Variants in FLRT3 observed in about 807,000 individuals in gnomAD.
FLRT3 encodes the protein fibronectin leucine rich transmembrane protein 3.
A neutral mutation model predicts 42.6 loss-of-function variants in FLRT3; 17 were observed. That is an observed-to-expected ratio of 0.40 (90% CI 0.27 to 0.60). FLRT3 has a LOEUF of 0.60. Ranked by LOEUF, FLRT3 falls within the 20% of genes least tolerant of loss-of-function variation. FLRT3 has a pLI of 0.44. For missense variants in FLRT3, 635 were observed against 789.2 expected (o/e 0.80, Z 2.34); for synonymous variants, 279 against 286.4 (o/e 0.97, Z 0.26).
At chr20:14,332,691 C>A (rs779787481) in intron 1 of FLRT3, among the ~76,000 whole-genome samples, 1 of 152,032 alleles carries the variant, frequency 6.6e-6, no homozygotes, top group Non-Finnish European at 1.5e-5. Flanking sequence ...AATCTAATGG[C>A]ATGTAGAACT....
Position 14,326,115 on chromosome 20 carries a change from G to A in FLRT3, c.1392C>T (p.Tyr464=). 3 of 1,613,882 alleles carry A rather than the reference G, an allele frequency of 1.9e-6. No individual in the cohort carries two copies. Among genetic ancestry groups the A allele is most frequent in the Non-Finnish European group, 2.5e-6 (3 of 1,179,860 alleles). ...AATCAGGCTCCAGGGCTGTGACCAA[G>A]TACTCACTGCGTTCCCCTGTTACAA... is the stretch of plus-strand genomic sequence containing the variant. The part of the protein sequence containing the change: ...ETIVTGERSE[Y]LVTALEPDSP... The change falls in exon 3 of 3, where the codon TAC becomes TAT. Residue 464 remains tyrosine, a synonymous_variant. Coordinates refer to ENST00000341420, the MANE Select transcript of FLRT3 (RefSeq NM_198391.3). The surrounding 1 kb of genome is among the most constrained non-coding windows in gnomAD (Gnocchi z 5.5).
Position 14,324,731 on chromosome 20 carries a change from G to A in FLRT3, c.*826C>T, listed in dbSNP as rs2082707167. On this transcript the variant is annotated 3_prime_UTR_variant, in exon 3 of 3. Transcript: ENST00000341420. ...TAGGCAAAACCAAAATGCAGTTTTGGTATTTGTGTTCATTACACTATACAA... is the reference window on the plus strand; with the variant it reads ...TAGGCAAAACCAAAATGCAGTTTTGATATTTGTGTTCATTACACTATACAA... 6.6e-6 allele frequency: 1 copy of A among 152,000 alleles called. No individual in the cohort carries two copies. The highest frequency in any genetic ancestry group is 2.1e-4 in the South Asian group (1 of 4,826). The allele number at this position is 152,000 out of a possible 1,614,324, so 9.4% of individuals were successfully genotyped here. A position where few individuals can be genotyped will look rare whatever the true frequency, so the allele number is the denominator to read the frequency against.
At chr20:14,331,824 G>A (rs2082846908) in intron 1 of FLRT3, among the ~76,000 whole-genome samples, 1 of 151,956 alleles carries the variant, frequency 6.6e-6, no homozygotes, top group Non-Finnish European at 1.5e-5. Flanking sequence ...TGCGCACCTA[G>A]AAATACTGTA....
intron 1 of FLRT3, among the ~76,000 whole-genome samples, chr20:14,335,659 C>A (rs1006281515): frequency 2.6e-5 from 4 of 152,056 alleles, no homozygotes; most frequent in African/African-American, 9.7e-5. Context: ...AAATGAAAAA[C>A]CCAATTAGTA....
intron 1 of FLRT3, among the ~76,000 whole-genome samples, chr20:14,334,656 G>C (rs1462361442): frequency 1.3e-5 from 2 of 151,330 alleles, no homozygotes; most frequent in Non-Finnish European, 2.9e-5. Flanking sequence ...TGGGGCAAAA[G>C]GTGGGGGGTG....
At chr20:14,334,536 C>T (rs1264573478) in intron 1 of FLRT3, among the ~76,000 whole-genome samples, 5 of 151,990 alleles carry the variant, frequency 3.3e-5, no homozygotes, top group Non-Finnish European at 5.9e-5. Context: ...GTACACTCTA[C>T]CAGAACACTG....
In FLRT3 at chr20:14,325,462, T is replaced by C; in HGVS notation, c.*95A>G. ...CAGTACATTGCTTTTTTTCAGTCTC[T>C]TTTTCCAGTGTTTTGCAGTAGAACA... On this transcript the variant is annotated 3_prime_UTR_variant, in exon 3 of 3. Coordinates refer to ENST00000341420, the MANE Select transcript of FLRT3 (RefSeq NM_198391.3). The C allele has an allele frequency of 5.3e-6, 7 of 1,319,926 alleles. No homozygotes were observed. Among genetic ancestry groups the C allele is most frequent in the Non-Finnish European group, 7.3e-6 (7 of 961,236 alleles). 81.8% of individuals were successfully genotyped at this position (1,319,926 alleles called of 1,614,324 possible).
chr20:14,324,181 A>C lies in FLRT3; in HGVS notation c.*1376T>G, dbSNP rs1181295227. 6.6e-6 allele frequency: 1 copy of C among 152,592 alleles called. No individual in the cohort carries two copies. Among genetic ancestry groups the C allele is most frequent in the Non-Finnish European group, 1.5e-5 (1 of 68,024 alleles). The allele number at this position is 152,592 out of a possible 1,614,324, so 9.5% of individuals were successfully genotyped here. On this transcript the variant is annotated 3_prime_UTR_variant, in exon 3 of 3. Coordinates refer to ENST00000341420, the MANE Select transcript of FLRT3 (RefSeq NM_198391.3). ...AATAAGACCATAATTTTTCATATTT[A>C]AGGAGTATGAAAAATTTGTGGAGTT... is the stretch of plus-strand genomic sequence containing the variant.
chr20:14,326,098 T>C lies in FLRT3; in HGVS notation c.1409A>G (p.Glu470Gly), dbSNP rs1356467951. 6.2e-7 allele frequency: 1 copy of C among 1,613,896 alleles called. No homozygotes were observed. The part of the protein sequence containing the change: ...ERSEYLVTAL[E>G]PDSPYKVCMV... ...GCATACTTTATAGGGTGAATCAGGC[T>C]CCAGGGCTGTGACCAAGTACTCACT... Residue 470 changes from glutamate (E) to glycine (G), a missense_variant, in exon 3 of 3, where the codon GAG (glutamate) becomes GGG (glycine). Transcript: ENST00000341420. This position sits in a 1 kb window ranked among gnomAD's most constrained non-coding sequence, Gnocchi z 5.5.
intron 1 of FLRT3, among the ~76,000 whole-genome samples, chr20:14,330,154 A>G (rs1288322803): frequency 6.6e-6 from 1 of 152,094 alleles, no homozygotes; most frequent in African/African-American, 2.4e-5. Flanking sequence ...AGGTTCATAC[A>G]TGAATATTGC....
At chr20:14,327,646 A>G in intron 2 of FLRT3, 88 bp from the exon 3 acceptor site, 1 of 948,452 alleles carries the variant, frequency 1.1e-6, no homozygotes. Context: ...AAACTAAAAT[A>G]TCCATAATCA....
At position 14,325,522 on chromosome 20, in the gene FLRT3, A is replaced by G; in HGVS notation, c.*35T>C. ...CCATCACCTCCCTTAGGTTTAAAAAACCCAAAACACAAGTCTGCTGTGAGT... is the reference window on the plus strand; with the variant it reads ...CCATCACCTCCCTTAGGTTTAAAAAGCCCAAAACACAAGTCTGCTGTGAGT... On this transcript the variant is annotated 3_prime_UTR_variant, in exon 3 of 3. Transcript: ENST00000341420. 1 of 1,565,244 alleles carries G rather than the reference A, an allele frequency of 6.4e-7. No homozygotes were observed. The highest frequency in any genetic ancestry group is 1.4e-5 in the African/African-American group (1 of 73,410).
Position 14,325,536 on chromosome 20 carries a change from T to G in FLRT3, c.*21A>C. On this transcript the variant is annotated 3_prime_UTR_variant, in exon 3 of 3. Coordinates refer to ENST00000341420, the MANE Select transcript of FLRT3 (RefSeq NM_198391.3). ...AGGTTTAAAAAACCCAAAACACAAG[T>G]CTGCTGTGAGTCCTTCAGCATCATG... is the stretch of plus-strand genomic sequence containing the variant. The G allele has an allele frequency of 1.3e-6, 2 of 1,586,440 alleles. No individual in the cohort carries two copies. Among genetic ancestry groups the G allele is most frequent in the Non-Finnish European group, 1.7e-6 (2 of 1,165,846 alleles).
At position 14,325,626 on chromosome 20, in the gene FLRT3, G is replaced by A. The variant is rs769046158; in HGVS notation, c.1881C>T (p.His627=). 32 of 1,613,486 alleles carry A rather than the reference G, an allele frequency of 2.0e-5. No individual in the cohort carries two copies. Among genetic ancestry groups the A allele is most frequent in the African/African-American group, 4.0e-5 (3 of 74,862 alleles). Residue 627 remains histidine, a synonymous_variant, in exon 3 of 3, where the codon CAC becomes CAT. Transcript: ENST00000341420. The part of the protein sequence containing the change: ...PNGMNLYKNN[H]SESSSNRSYR... ...AGCTTCGGTTACTACTGCTTTCACT[G>A]TGATTGTTTTTGTACAGATTCATTC...
rs149194663 is a variant in FLRT3 at position 14,327,266 on chromosome 20, T to G, written c.241A>C (p.Asn81His). The change falls in exon 3 of 3, where the codon AAC becomes CAC. Residue 81 changes from asparagine to histidine, a missense_variant. Physicochemically the swap from Asn to His is moderately conservative, Grantham distance 68. Transcript: ENST00000341420. ...NNAGIPSDLK[N>H]LLKVERIYLY... is the part of the protein sequence containing the mutation. ...TATATTCTTTCTACTTTCAGCAAGT[T>G]TTTCAAATCTGAAGGAATCCCAGCA... 5.0e-6 allele frequency: 8 copies of G among 1,613,698 alleles called. No homozygotes were observed. The highest frequency in any genetic ancestry group is 6.8e-6 in the Non-Finnish European group (8 of 1,179,798).
intron 2 of FLRT3, 63 bp from the exon 3 acceptor site, chr20:14,327,621 T>C: frequency 1.7e-6 from 2 of 1,179,680 alleles, no homozygotes; most frequent in South Asian, 3.5e-5. Flanking sequence ...ATATAATGTT[T>C]AAAAACAAAT....
chr20:14,324,883 C>G lies in FLRT3; in HGVS notation c.*674G>C, dbSNP rs926242280. 4.6e-5 allele frequency: 7 copies of G among 152,400 alleles called. No individual in the cohort carries two copies. Among genetic ancestry groups the G allele is most frequent in the Admixed American group, 6.6e-5 (1 of 15,256 alleles). The allele number at this position is 152,400 out of a possible 1,614,324, so 9.4% of individuals were successfully genotyped here. On this transcript the variant is annotated 3_prime_UTR_variant, in exon 3 of 3. Transcript: ENST00000341420. ...GACAATGGCTTTAACAGACTTCATG[C>G]TCCTTTTATGCCAGCTGATGTATTC...
rs2082703855 is a variant in FLRT3 at position 14,324,504 on chromosome 20, A to G, written c.*1053T>C. The G allele has an allele frequency of 6.6e-6, 1 of 152,596 alleles. No homozygotes were observed. The allele number at this position is 152,596 out of a possible 1,614,324, so 9.5% of individuals were successfully genotyped here. A position where few individuals can be genotyped will look rare whatever the true frequency, so the allele number is the denominator to read the frequency against. ...AAAACCTTTGACATAAACCAGATCTAAATTTGATGTCTAGTATTTATTTTT... is the reference window on the plus strand; with the variant it reads ...AAAACCTTTGACATAAACCAGATCTGAATTTGATGTCTAGTATTTATTTTT... On this transcript the variant is annotated 3_prime_UTR_variant, in exon 3 of 3. Transcript: ENST00000341420.
At chr20:14,328,426 A>C (rs1358891044) in intron 2 of FLRT3, among the ~76,000 whole-genome samples, 1 of 152,084 alleles carries the variant, frequency 6.6e-6, no homozygotes, top group Admixed American at 6.6e-5. Flanking sequence ...TATTTCTTTG[A>C]ATTCTAACCT....
Sources: allele counts gnomAD v4.1 joint callset (sites outside exome capture counted in the v4.1 genomes callset), GRCh38; gene constraint gnomAD v4.1.1; non-coding constraint Gnocchi (gnomAD v3.1); transcripts MANE v1.5; gene names NCBI Gene and HGNC (gene_info 2026-07-23, HGNC 2026-07-21).